The following AFAP1 variants were observed in gnomAD, a reference collection of about 807,000 sequenced individuals.
AFAP1 encodes actin filament associated protein 1, also known as actin filament-associated protein 1.
AFAP1 carries 75 observed loss-of-function variants against 93.9 expected under a neutral mutation model. The observed-to-expected ratio is 0.80, with a 90% CI of 0.66 to 0.97. The LOEUF (loss-of-function observed/expected upper bound fraction) is 0.97, where lower values mean the gene tolerates loss of function less well. Among genes scored for constraint, AFAP1 ranks in the 50% least tolerant of loss-of-function variants. The pLI is 0.00. For synonymous variants in AFAP1, 517 were observed against 430.7 expected (o/e 1.20, Z -2.48); for missense variants, 1,201 against 1,050.8 (o/e 1.14, Z -1.98).
intron 9 of AFAP1, 132 bp downstream of exon 9, chr4:7,809,482 G>A (rs1719821319): frequency 9.1e-7 from 1 of 1,093,022 alleles, no homozygotes; most frequent in African/African-American, 1.6e-5. Context: ...CCCACTATCT[G>A]AATGATTCCA....
intron 1 of AFAP1, among the ~76,000 whole-genome samples, chr4:7,902,483 A>G (rs773026004): frequency 6.6e-6 from 1 of 152,204 alleles, no homozygotes; most frequent in Non-Finnish European, 1.5e-5. Context: ...AAGAAAACAG[A>G]AACTGGAATG....
chr4:7,781,444 G>A lies in AFAP1; in HGVS notation c.1714C>T (p.Pro572Ser), dbSNP rs368193861. 119 of 1,552,006 alleles carry A rather than the reference G, an allele frequency of 7.7e-5. No individual in the cohort carries two copies. The highest frequency in any genetic ancestry group is 1.7e-4 in the Middle Eastern group (1 of 6,020). Residue 572 changes from proline to serine, a missense_variant, in exon 13 of 18, where the codon CCT becomes TCT. Pro to Ser is a moderately conservative substitution (Grantham distance 74). Coordinates refer to ENST00000420658, the MANE Select transcript of AFAP1 (RefSeq NM_001134647.2). ...TTAGTGACAGACTGAGCGGAGGCAG[G>A]GTATTTGTAATGGTTAGAGGACAGC... ...DKLSSNHYKY[P>S]ASAQSVTNTS... is the part of the protein sequence containing the mutation.
intron 1 of AFAP1, among the ~76,000 whole-genome samples, chr4:7,938,258 C>A (rs1445224857): frequency 6.6e-6 from 1 of 152,150 alleles, no homozygotes. Flanking sequence ...CGGTAATTAG[C>A]TCAGTTTTGT....
At chr4:7,867,808 G>A (rs998229321) in intron 3 of AFAP1, among the ~76,000 whole-genome samples, 1 of 152,042 alleles carries the variant, frequency 6.6e-6, no homozygotes, top group Non-Finnish European at 1.5e-5. Context: ...CCACTGCAGT[G>A]AGAAGCCCTG....
intron 17 of AFAP1, among the ~76,000 whole-genome samples, chr4:7,764,390 T>G (rs531890040): frequency 1.4e-5 from 2 of 139,600 alleles, no homozygotes; most frequent in South Asian, 5.0e-4. Flanking sequence ...TTTCAAAAAA[T>G]ATAAAAAAAA....
intron 2 of AFAP1, 53 bp from the exon 3 acceptor site, chr4:7,868,772 G>A (rs1056025611): frequency 2.0e-6 from 3 of 1,499,252 alleles, no homozygotes; most frequent in Non-Finnish European, 2.8e-6. Context: ...GATGAGAAGG[G>A]TACCACTAGC....
intron 6 of AFAP1, among the ~76,000 whole-genome samples, chr4:7,830,273 A>T (rs1216726556): frequency 7.4e-6 from 1 of 135,518 alleles, no homozygotes; most frequent in Non-Finnish European, 1.6e-5. Context: ...GAATTGTACA[A>T]ATAATCTTGG....
In AFAP1 at chr4:7,939,179, A is replaced by G. The variant is rs897824337; in HGVS notation, c.-3+477T>C. 2 of 202,384 alleles carry G rather than the reference A, an allele frequency of 9.9e-6. No homozygotes were observed. The highest frequency in any genetic ancestry group is 1.1e-4 in the South Asian group (2 of 17,748). 12.5% of individuals were successfully genotyped at this position (202,384 alleles called of 1,614,324 possible). A position where few individuals can be genotyped will look rare whatever the true frequency, so the allele number is the denominator to read the frequency against. On this transcript the variant is annotated intron_variant, in intron 1 of 17. Coordinates refer to ENST00000420658, the MANE Select transcript of AFAP1 (RefSeq NM_001134647.2). The surrounding 1 kb of genome is among the most constrained non-coding windows in gnomAD (Gnocchi z 5.6). ...CAGGAAGCCGTCATGCGGGGCCAAG[A>G]AAGAGCCCCCATCCAGAGTCACGGA...
intron 3 of AFAP1, among the ~76,000 whole-genome samples, chr4:7,866,708 A>T (rs918039289): frequency 6.6e-6 from 1 of 152,134 alleles, no homozygotes; most frequent in African/African-American, 2.4e-5. Flanking sequence ...TAACAATGCT[A>T]TATTTCTGGA....
chr4:7,811,051 A>C (rs984932805), intron 8 of AFAP1, among the ~76,000 whole-genome samples: 3 of 152,214 alleles, frequency 2.0e-5, no homozygotes. Context: ...CCCTCGGAGA[A>C]GGTGAGCTGT....
At chr4:7,804,552 T>C (rs1415098052) in intron 9 of AFAP1, among the ~76,000 whole-genome samples, 1 of 152,042 alleles carries the variant, frequency 6.6e-6, no homozygotes, top group Non-Finnish European at 1.5e-5. Flanking sequence ...GGGGAACAGA[T>C]ATAAACCCTC....
At position 7,761,146 on chromosome 4, in the gene AFAP1, A is replaced by T. The variant is rs1170181064; in HGVS notation, c.*2619T>A. 6.6e-6 allele frequency: 1 copy of T among 152,192 alleles called. No individual in the cohort carries two copies. Among genetic ancestry groups the T allele is most frequent in the East Asian group, 1.9e-4 (1 of 5,202 alleles). The allele number at this position is 152,192 out of a possible 1,614,324, so 9.4% of individuals were successfully genotyped here. A position where few individuals can be genotyped will look rare whatever the true frequency, so the allele number is the denominator to read the frequency against. On this transcript the variant is annotated 3_prime_UTR_variant, in exon 18 of 18. Coordinates refer to ENST00000420658, the MANE Select transcript of AFAP1 (RefSeq NM_001134647.2). ...GCGTGTGTCTAATATGTACAGATAT[A>T]AATTAAAAACTATATTTATTGAACA...
At chr4:7,900,733 CG>C (rs1719067989) in intron 1 of AFAP1, among the ~76,000 whole-genome samples, 1 of 152,168 alleles carries the variant, frequency 6.6e-6, no homozygotes, top group Non-Finnish European at 1.5e-5. Flanking sequence ...ACCTTGGAAA[CG>C]GATAAACACT....
intron 9 of AFAP1, among the ~76,000 whole-genome samples, chr4:7,808,466 G>A (rs1356568079): frequency 6.6e-6 from 1 of 151,562 alleles, no homozygotes; most frequent in Non-Finnish European, 1.5e-5. Flanking sequence ...GGAAGCCATG[G>A]GGGGCCAGGG....
intron 1 of AFAP1, among the ~76,000 whole-genome samples, chr4:7,894,530 T>G (rs1186273388): frequency 6.6e-6 from 1 of 152,146 alleles, no homozygotes; most frequent in Non-Finnish European, 1.5e-5. Flanking sequence ...GGGACTCTGT[T>G]AGCTATGAGA....
At chr4:7,867,835 T>C (rs1019752103) in intron 3 of AFAP1, among the ~76,000 whole-genome samples, 9 of 151,944 alleles carry the variant, frequency 5.9e-5, no homozygotes, top group African/African-American at 1.7e-4. Flanking sequence ...TCCAAGACTC[T>C]TGAGCACTGT....
At chr4:7,936,980 C>A (rs1721424072) in intron 1 of AFAP1, among the ~76,000 whole-genome samples, 1 of 151,972 alleles carries the variant, frequency 6.6e-6, no homozygotes, top group Non-Finnish European at 1.5e-5. Context: ...TTTTACTCTC[C>A]AAAATAAAAT....
Position 7,819,097 on chromosome 4 carries a change from C to T in AFAP1, c.801G>A (p.Val267=). The T allele has an allele frequency of 6.2e-7, 1 of 1,613,324 alleles. No homozygotes were observed. Among genetic ancestry groups the T allele is most frequent in the Non-Finnish European group, 8.5e-7 (1 of 1,179,656 alleles). Residue 267 remains valine (V), a synonymous_variant, in exon 7 of 18, where the codon GTG becomes GTA. Transcript: ENST00000420658. ...TTACCTTCTCCAGTTCTGCCTTGTG[C>T]ACCGGGGAGCTTGGTGGAGGAGGAC... ...SECPPPPSSP[V]HKAELEKKLS...
chr4:7,900,407 C>G (rs928531226), intron 1 of AFAP1, among the ~76,000 whole-genome samples: 3 of 152,198 alleles, frequency 2.0e-5, no homozygotes, highest in African/African-American at 7.2e-5. Context: ...TCCCCACAGC[C>G]TGAAGTTGTA....
Sources: gnomAD v4.1 joint callset for allele counts (sites outside exome capture counted in the v4.1 genomes callset) on GRCh38, gnomAD v4.1.1 for gene constraint, Gnocchi (gnomAD v3.1) non-coding constraint, MANE v1.5 for transcripts, NCBI Gene and HGNC (gene_info 2026-07-23, HGNC 2026-07-21) for gene names.